LRMDA: variants seen among roughly 807,000 people sequenced by gnomAD.
LRMDA encodes leucine-rich melanocyte differentiation-associated protein.
A neutral mutation model predicts 29.8 loss-of-function variants in LRMDA; 18 were observed. The observed-to-expected ratio is 0.60, with a 90% CI of 0.42 to 0.90. The LOEUF (loss-of-function observed/expected upper bound fraction) is 0.90. LRMDA is among the 40% of genes least tolerant of loss of function. LRMDA has a pLI of 0.00. For missense variants in LRMDA, 273 were observed against 273.9 expected, an observed-to-expected ratio of 1.00 and a Z score of 0.02; for synonymous variants, 125 against 109.4, an observed-to-expected ratio of 1.14 and a Z score of -0.89.
chr10:75,583,571 CCT>C (rs1267641296), intron 2 of LRMDA, among the ~76,000 whole-genome samples: 1 of 152,180 alleles, frequency 6.6e-6, no homozygotes, highest in Non-Finnish European at 1.5e-5. Context: ...TCCTATCAGG[CCT>C]CACCTCCAGT....
In LRMDA at chr10:75,527,574, TCTCA is replaced by T. The variant is rs1163261134; in HGVS notation, c.131+89084_131+89087del. Reference sequence around the variant, plus strand: ...GTTGTTTTCCTTTTTTGAGACAGGGTCTCACTCTTTAAAAGGCATAAACTCAGGA... The same window carrying T: ...GTTGTTTTCCTTTTTTGAGACAGGGTCTCTTTAAAAGGCATAAACTCAGGA... On this transcript the variant is annotated intron_variant, in intron 2 of 6. Coordinates refer to ENST00000611255, the MANE Select transcript of LRMDA (RefSeq NM_001305581.2). Among the ~76,000 whole-genome samples, 38 of 125,502 alleles carry T rather than the reference TCTCA, an allele frequency of 3.0e-4. 1 individual carries two copies. Among genetic ancestry groups the T allele is most frequent in the Non-Finnish European group, 5.2e-4 (33 of 63,342 alleles). The allele number at this position is 125,502 out of a possible 152,430, so 82.3% of individuals were successfully genotyped here. A position where few individuals can be genotyped will look rare whatever the true frequency, so the allele number is the denominator to read the frequency against.
At chr10:76,192,262 T>C (rs1851260040) in intron 5 of LRMDA, among the ~76,000 whole-genome samples, 1 of 152,222 alleles carries the variant, frequency 6.6e-6, no homozygotes, top group Admixed American at 6.5e-5. Flanking sequence ...ATTTCTTAGA[T>C]ATGACACAGA....
chr10:76,270,013 C>T (rs7100554), intron 5 of LRMDA, among the ~76,000 whole-genome samples: 2,308 of 152,288 alleles, frequency 0.015, 32 homozygotes, highest in African/African-American at 0.05. Flanking sequence ...CTCATTCACT[C>T]AAGCCACTCC....
At chr10:76,416,806 C>T (rs144289150) in intron 6 of LRMDA, among the ~76,000 whole-genome samples, 3 of 152,186 alleles carry the variant, frequency 2.0e-5, no homozygotes, top group Non-Finnish European at 4.4e-5. Flanking sequence ...CACATACACC[C>T]TGTTGGTTTG....
chr10:76,008,196 T>C (rs1032876128), intron 2 of LRMDA, among the ~76,000 whole-genome samples: 13 of 152,138 alleles, frequency 8.5e-5, no homozygotes, highest in African/African-American at 2.9e-4. Context: ...GGCTACACAA[T>C]AGACTGTCAA....
intron 6 of LRMDA, among the ~76,000 whole-genome samples, chr10:76,494,593 TG>T (rs1329904445): frequency 6.6e-6 from 1 of 151,820 alleles, no homozygotes; most frequent in Non-Finnish European, 1.5e-5. Flanking sequence ...CTTTCTTTTT[TG>T]TTGTTCTCAC....
chr10:75,674,056 C>A (rs1372006667), intron 2 of LRMDA, among the ~76,000 whole-genome samples: 3 of 152,174 alleles, frequency 2.0e-5, no homozygotes, highest in Non-Finnish European at 2.9e-5. Context: ...GGCTTGTATT[C>A]CAGCTTGCTG....
intron 2 of LRMDA, among the ~76,000 whole-genome samples, chr10:75,697,738 A>T (rs1022245012): frequency 6.6e-6 from 1 of 152,160 alleles, no homozygotes; most frequent in Non-Finnish European, 1.5e-5. Flanking sequence ...ATTAGAAATT[A>T]AAAAACAAAA....
At chr10:75,994,049 C>A (rs1847417604) in intron 2 of LRMDA, among the ~76,000 whole-genome samples, 1 of 152,204 alleles carries the variant, frequency 6.6e-6, no homozygotes, top group Non-Finnish European at 1.5e-5. Flanking sequence ...CACCTAAACC[C>A]CTAAGGCCTA....
intron 5 of LRMDA, among the ~76,000 whole-genome samples, chr10:76,124,148 A>G (rs1166054746): frequency 6.6e-6 from 1 of 152,164 alleles, no homozygotes; most frequent in East Asian, 1.9e-4. Context: ...CGCTTCTGCC[A>G]TCGGTATCAA....
intron 2 of LRMDA, among the ~76,000 whole-genome samples, chr10:75,506,849 C>G (rs1035780672): frequency 6.6e-6 from 1 of 152,314 alleles, no homozygotes; most frequent in Admixed American, 6.5e-5. Context: ...GGGAGGTTCT[C>G]TCTTCACCCT....
chr10:76,197,502 A>G (rs1851350259), intron 5 of LRMDA, among the ~76,000 whole-genome samples: 1 of 152,150 alleles, frequency 6.6e-6, no homozygotes, highest in African/African-American at 2.4e-5. Flanking sequence ...TGGAGACCTT[A>G]TTGATTTTCA....
chr10:76,483,536 T>G (rs1352398727), intron 6 of LRMDA, among the ~76,000 whole-genome samples: 3 of 151,842 alleles, frequency 2.0e-5, no homozygotes, highest in Non-Finnish European at 4.4e-5. Context: ...TCTCCGGGGC[T>G]CCAGTGTATA....
intron 2 of LRMDA, among the ~76,000 whole-genome samples, chr10:75,519,502 C>A (rs971750757): frequency 5.9e-5 from 9 of 152,054 alleles, no homozygotes; most frequent in Non-Finnish European, 1.3e-4. Context: ...AGGATTGCAC[C>A]TCCTGCTTTT....
chr10:75,975,904 C>T (rs1489089278), intron 2 of LRMDA, among the ~76,000 whole-genome samples: 1 of 152,214 alleles, frequency 6.6e-6, no homozygotes, highest in Non-Finnish European at 1.5e-5. Context: ...ATCTCTTCCA[C>T]CACCACCCTG....
chr10:76,331,810 A>T (rs1840908413), intron 6 of LRMDA, among the ~76,000 whole-genome samples: 1 of 152,156 alleles, frequency 6.6e-6, no homozygotes, highest in African/African-American at 2.4e-5. Context: ...TAATGCTTTT[A>T]TGGGCTTATA....
At chr10:75,749,596 TAAAA>T (rs924409260) in intron 2 of LRMDA, among the ~76,000 whole-genome samples, 1 of 151,278 alleles carries the variant, frequency 6.6e-6, no homozygotes, top group South Asian at 2.1e-4. Flanking sequence ...GTTTTTTGGT[TAAAA>T]AAAAGCACCA....
intron 5 of LRMDA, among the ~76,000 whole-genome samples, chr10:76,102,805 A>G (rs1025520356): frequency 3.3e-5 from 5 of 152,132 alleles, no homozygotes; most frequent in African/African-American, 1.2e-4. Flanking sequence ...GGTGTGCACC[A>G]CCATGCCTAT....
At chr10:76,436,373 T>C (rs1052565587) in intron 6 of LRMDA, among the ~76,000 whole-genome samples, 4 of 152,166 alleles carry the variant, frequency 2.6e-5, no homozygotes, top group African/African-American at 9.6e-5. Context: ...CAGGCTTGTG[T>C]TGCCCTCCTA....
Sources: allele counts gnomAD v4.1 joint callset (sites outside exome capture counted in the v4.1 genomes callset), GRCh38; gene constraint gnomAD v4.1.1; transcripts MANE v1.5; gene names NCBI Gene and HGNC (gene_info 2026-07-23, HGNC 2026-07-21).